The following GALNT13 variants were observed in gnomAD, a reference collection of about 807,000 sequenced individuals.
GALNT13 encodes the protein UDP-GalNAc:polypeptide N-acetylgalactosaminyltransferase 13.
A neutral mutation model predicts 64.2 loss-of-function variants in GALNT13; 28 were observed. The ratio of observed to expected loss-of-function variants is 0.44; its 90% confidence interval spans 0.32 to 0.60. GALNT13 has a LOEUF of 0.60. GALNT13 is among the 20% of genes least tolerant of loss of function. The pLI, the probability that GALNT13 is intolerant of heterozygous loss-of-function variation, is 0.05. For missense variants in GALNT13, 577 were observed against 669.8 expected (o/e 0.86, Z 1.53); for synonymous variants, 214 against 224.6 (o/e 0.95, Z 0.42).
intron 4 of GALNT13, among the ~76,000 whole-genome samples, chr2:154,153,180 G>A (rs1398583335): frequency 1.3e-5 from 2 of 152,200 alleles, no homozygotes; most frequent in South Asian, 2.1e-4. Context: ...GTCTGTTGGA[G>A]TTTGCTAGAG....
chr2:153,403,424 G>T, the GALNT13 span, among the ~76,000 whole-genome samples: 1 of 152,182 alleles, frequency 6.6e-6, no homozygotes, highest in Admixed American at 6.5e-5. Context: ...TACAGAGGCA[G>T]GCAGGCCTCC....
At chr2:153,923,567 T>G (rs1689901896) in intron 2 of GALNT13, among the ~76,000 whole-genome samples, 1 of 152,110 alleles carries the variant, frequency 6.6e-6, no homozygotes, top group Admixed American at 6.6e-5. Context: ...ATACTTTAAG[T>G]TCTAGGGTAC....
chr2:153,839,164 A>G, the GALNT13 span, among the ~76,000 whole-genome samples: 1 of 151,808 alleles, frequency 6.6e-6, no homozygotes, highest in Non-Finnish European at 1.5e-5. Flanking sequence ...TTTTTTGTGC[A>G]TGTAATGTTT....
chr2:153,174,231 T>C, the GALNT13 span, among the ~76,000 whole-genome samples: 65,743 of 152,000 alleles, frequency 0.43, 14,599 homozygotes, highest in East Asian at 0.74. Flanking sequence ...TTCTTCCCGT[T>C]TTCTGAAATA....
chr2:154,276,979 T>C (rs1691685697), intron 8 of GALNT13, among the ~76,000 whole-genome samples: 1 of 152,172 alleles, frequency 6.6e-6, no homozygotes, highest in African/African-American at 2.4e-5. Flanking sequence ...TTAAACCTCT[T>C]TCCTTTATAA....
rs1689562406 is a variant in GALNT13, at chr2:154,242,738, A to G, written c.519A>G (p.Leu173=). ...KLTLENYVKN[L]EVPVKIIRME... is the part of the protein sequence containing the mutation. ...CATTAGAGAATTACGTGAAAAATTT[A>G]GAAGTGCCAGTAAAAATTATTAGGA... is the stretch of plus-strand genomic sequence containing the variant. The change falls in exon 6 of 13, where the codon TTA becomes TTG. Residue 173 remains leucine (L), a synonymous_variant. Transcript: ENST00000392825. The G allele has an allele frequency of 1.2e-6, 2 of 1,613,590 alleles. No homozygotes were observed. Among genetic ancestry groups the G allele is most frequent in the Non-Finnish European group, 1.7e-6 (2 of 1,179,472 alleles).
rs58455059 is a variant in GALNT13 at position 153,963,731 on chromosome 2, C to CTGTGTG, written c.142+19138_142+19143dup. Among the ~76,000 whole-genome samples, 192 of 100,846 alleles carry CTGTGTG rather than the reference C, an allele frequency of 1.9e-3. 1 individual carries two copies. The highest frequency in any genetic ancestry group is 2.9e-3 in the Non-Finnish European group (138 of 48,116). 66.2% of individuals were successfully genotyped at this position (100,846 alleles called of 152,430 possible). On this transcript the variant is annotated intron_variant, in intron 3 of 12. Transcript: ENST00000392825. ...TCTCCGTCTCTCTCTCTCTCTCTCT[C>CTGTGTG]TGTGTGTGTGTGTGTGTGTGTGTGT... is the stretch of plus-strand genomic sequence containing the variant.
chr2:154,258,993 T>C (rs1185201813), intron 7 of GALNT13, 28 bp from the exon 8 acceptor site: 1 of 1,149,118 alleles, frequency 8.7e-7, no homozygotes, highest in East Asian at 2.3e-5. Context: ...CAAAAGATAT[T>C]CTTTTCTTTT....
intron 9 of GALNT13, among the ~76,000 whole-genome samples, chr2:154,329,978 T>C (rs1313478207): frequency 6.6e-6 from 1 of 152,092 alleles, no homozygotes; most frequent in East Asian, 1.9e-4. Context: ...CTCTTTTCTT[T>C]GTAAATTACC....
At chr2:153,324,732 G>A in the GALNT13 span, among the ~76,000 whole-genome samples, 1 of 152,208 alleles carries the variant, frequency 6.6e-6, no homozygotes, top group African/African-American at 2.4e-5. Flanking sequence ...TGCATCTATT[G>A]AGATAATCAT....
intron 8 of GALNT13, among the ~76,000 whole-genome samples, chr2:154,282,643 A>G (rs1451830698): frequency 7.1e-6 from 1 of 139,924 alleles, no homozygotes; most frequent in East Asian, 1.9e-4. Flanking sequence ...TTTCAAGAAC[A>G]GAATGCAGCT....
At chr2:153,433,693 A>C in the GALNT13 span, among the ~76,000 whole-genome samples, 1 of 152,232 alleles carries the variant, frequency 6.6e-6, no homozygotes, top group Non-Finnish European at 1.5e-5. Flanking sequence ...TAAATTAAAA[A>C]ATTGAACCAA....
chr2:153,562,656 G>A, the GALNT13 span, among the ~76,000 whole-genome samples: 1 of 151,850 alleles, frequency 6.6e-6, no homozygotes, highest in Non-Finnish European at 1.5e-5. Context: ...TCAGAAAATG[G>A]ACCTTGTGTT....
chr2:153,225,672 A>G, the GALNT13 span, among the ~76,000 whole-genome samples: 2 of 152,236 alleles, frequency 1.3e-5, no homozygotes, highest in South Asian at 2.1e-4. Flanking sequence ...TTGCTTAATT[A>G]TATGTCAGCA....
chr2:154,160,434 T>C (rs1558996078), intron 4 of GALNT13, among the ~76,000 whole-genome samples: 1 of 152,120 alleles, frequency 6.6e-6, no homozygotes, highest in Non-Finnish European at 1.5e-5. Context: ...TCTTACCATA[T>C]CCACTTCCCT....
chr2:153,934,831 G>A (rs1690784353), intron 2 of GALNT13, among the ~76,000 whole-genome samples: 2 of 152,100 alleles, frequency 1.3e-5, no homozygotes, highest in Admixed American at 1.3e-4. Context: ...GTTATGAAAA[G>A]TGGCCTGGCT....
chr2:154,151,054 C>T (rs531520296), intron 4 of GALNT13, among the ~76,000 whole-genome samples: 5 of 152,242 alleles, frequency 3.3e-5, no homozygotes, highest in Admixed American at 6.5e-5. Context: ...CCTGCTTTCT[C>T]TTATGGGCAT....
chr2:153,806,506 A>G, the GALNT13 span, among the ~76,000 whole-genome samples: 175 of 152,152 alleles, frequency 1.2e-3, 3 homozygotes, highest in East Asian at 0.032. Context: ...CTAATTTGCA[A>G]TCCCCATTGA....
the GALNT13 span, among the ~76,000 whole-genome samples, chr2:153,674,202 T>C: frequency 4.8e-3 from 729 of 152,152 alleles, 10 homozygotes; most frequent in African/African-American, 0.016. Flanking sequence ...AAAAAAGTAG[T>C]TTAAAGTTCA....
Sources: gnomAD v4.1 joint callset for allele counts (sites outside exome capture counted in the v4.1 genomes callset) on GRCh38, gnomAD v4.1.1 for gene constraint, MANE v1.5 for transcripts, NCBI Gene and HGNC (gene_info 2026-07-23, HGNC 2026-07-21) for gene names.